The following UBE2E2 variants were observed in gnomAD, a reference collection of about 807,000 sequenced individuals.
UBE2E2 encodes ubiquitin conjugating enzyme E2 E2, also known as ubiquitin-conjugating enzyme E2 E2.
In UBE2E2, 6 loss-of-function variants were observed where a neutral mutation model predicts 24.7. That is an observed-to-expected ratio of 0.24 (90% CI 0.13 to 0.48). The LOEUF (loss-of-function observed/expected upper bound fraction) is 0.48. Ranked by LOEUF, UBE2E2 falls within the 20% of genes least tolerant of loss-of-function variation. The pLI, the probability that UBE2E2 is intolerant of heterozygous loss-of-function variation, is 0.99. For synonymous variants in UBE2E2, 104 were observed against 83.6 expected (o/e 1.24, Z -1.33); for missense variants, 169 against 245.0 (o/e 0.69, Z 2.07).
At chr3:23,366,866 A>G (rs936584294) in intron 3 of UBE2E2, among the ~76,000 whole-genome samples, 1 of 152,234 alleles carries the variant, frequency 6.6e-6, no homozygotes, top group African/African-American at 2.4e-5. Context: ...TTTTAGTTCA[A>G]TTAAGAAAAT....
At chr3:23,553,692 A>G (rs927800548) in intron 5 of UBE2E2, among the ~76,000 whole-genome samples, 5 of 152,190 alleles carry the variant, frequency 3.3e-5, no homozygotes, top group Non-Finnish European at 7.4e-5. Context: ...TAAATTCAGT[A>G]AAGTTACAGG....
At chr3:23,209,278 T>C (rs1207162723) in intron 2 of UBE2E2, among the ~76,000 whole-genome samples, 7 of 152,216 alleles carry the variant, frequency 4.6e-5, no homozygotes, top group Admixed American at 2.0e-4. Flanking sequence ...TTTCCACTAC[T>C]CCCAGTTGGT....
chr3:23,267,316 A>T (rs958957820), intron 3 of UBE2E2, among the ~76,000 whole-genome samples: 2 of 152,148 alleles, frequency 1.3e-5, no homozygotes, highest in African/African-American at 4.8e-5. Flanking sequence ...AGCAAGACTA[A>T]TAAAGAAGAA....
intron 3 of UBE2E2, among the ~76,000 whole-genome samples, chr3:23,386,027 C>G (rs1696797299): frequency 6.6e-6 from 1 of 152,176 alleles, no homozygotes; most frequent in Non-Finnish European, 1.5e-5. Flanking sequence ...AATAGAATTA[C>G]AAACATTTAT....
intron 3 of UBE2E2, among the ~76,000 whole-genome samples, chr3:23,378,060 A>G (rs1158660342): frequency 2.0e-5 from 3 of 152,082 alleles, no homozygotes. Flanking sequence ...TTAATCTGCT[A>G]TAATGTGAGA....
chr3:23,552,053 C>T (rs1211301320), intron 5 of UBE2E2, among the ~76,000 whole-genome samples: 1 of 152,186 alleles, frequency 6.6e-6, no homozygotes, highest in Admixed American at 6.5e-5. Context: ...CAAGAGTCCT[C>T]GTCAGAAACC....
At chr3:23,320,624 C>T (rs1330753515) in intron 3 of UBE2E2, among the ~76,000 whole-genome samples, 1 of 152,148 alleles carries the variant, frequency 6.6e-6, no homozygotes, top group African/African-American at 2.4e-5. Flanking sequence ...GTTCACTGTA[C>T]AGAAAGGTTA....
At chr3:23,223,868 A>G (rs901387998) in intron 3 of UBE2E2, among the ~76,000 whole-genome samples, 1 of 152,014 alleles carries the variant, frequency 6.6e-6, no homozygotes, top group African/African-American at 2.4e-5. Context: ...ATATATAGTT[A>G]TCCAGTTTTC....
At chr3:23,440,088 A>G (rs1243407782) in intron 3 of UBE2E2, among the ~76,000 whole-genome samples, 3 of 152,102 alleles carry the variant, frequency 2.0e-5, no homozygotes, top group African/African-American at 7.2e-5. Context: ...AGCCTGGCCA[A>G]GATGGTGAAA....
At chr3:23,568,364 G>A (rs988066556) in intron 5 of UBE2E2, among the ~76,000 whole-genome samples, 6 of 151,952 alleles carry the variant, frequency 3.9e-5, no homozygotes, top group African/African-American at 1.5e-4. Context: ...CTACATGTGA[G>A]GATTATGGAA....
chr3:23,345,389 T>C (rs35190363), intron 3 of UBE2E2, among the ~76,000 whole-genome samples: 11,126 of 152,290 alleles, frequency 0.073, 523 homozygotes, highest in Non-Finnish European at 0.088. Flanking sequence ...TTCAATATAA[T>C]AGATTCAATA....
At chr3:23,399,494 G>A (rs533844833) in intron 3 of UBE2E2, among the ~76,000 whole-genome samples, 1 of 152,256 alleles carries the variant, frequency 6.6e-6, no homozygotes, top group South Asian at 2.1e-4. Context: ...TCAAAATGGT[G>A]TGCAGTTAGG....
chr3:23,474,940 A>G lies in UBE2E2; in HGVS notation c.228-24668A>G, dbSNP rs1297282022. ...TTTTTTATTTCTTAACCCACAACCG[A>G]TGACAAGCATTTCACTCAAATTGCT... is the stretch of plus-strand genomic sequence containing the variant. On this transcript the variant is annotated intron_variant, in intron 3 of 5. Coordinates refer to ENST00000396703, the MANE Select transcript of UBE2E2 (RefSeq NM_152653.4). The surrounding 1 kb of genome is among the most constrained non-coding windows in gnomAD (Gnocchi z 4.0). 6.6e-6 allele frequency among the ~76,000 whole-genome samples: 1 copy of G among 152,054 alleles called. No homozygotes were observed. Among genetic ancestry groups the G allele is most frequent in the Non-Finnish European group, 1.5e-5 (1 of 68,036 alleles).
At chr3:23,287,797 G>A (rs1339426808) in intron 3 of UBE2E2, among the ~76,000 whole-genome samples, 2 of 143,438 alleles carry the variant, frequency 1.4e-5, no homozygotes, top group African/African-American at 2.5e-5. Flanking sequence ...TTACATCTCT[G>A]ATTTTATTCA....
chr3:23,244,085 CAATT>C (rs1697324239), intron 3 of UBE2E2, among the ~76,000 whole-genome samples: 1 of 146,062 alleles, frequency 6.8e-6, no homozygotes, highest in African/African-American at 2.5e-5. Context: ...GGAAGAATAT[CAATT>C]AAGGGTGATT....
intron 3 of UBE2E2, among the ~76,000 whole-genome samples, chr3:23,316,821 G>A (rs1285831392): frequency 1.3e-5 from 2 of 152,004 alleles, no homozygotes; most frequent in East Asian, 3.9e-4. Flanking sequence ...AGCAGGTGAT[G>A]AATCCTGACA....
At chr3:23,446,245 A>G (rs1388971874) in intron 3 of UBE2E2, among the ~76,000 whole-genome samples, 4 of 152,216 alleles carry the variant, frequency 2.6e-5, no homozygotes, top group African/African-American at 9.7e-5. Flanking sequence ...GATTTGAGAG[A>G]TGCAAAAACT....
chr3:23,231,320 G>C (rs1696968450), intron 3 of UBE2E2, among the ~76,000 whole-genome samples: 1 of 152,150 alleles, frequency 6.6e-6, no homozygotes, highest in Non-Finnish European at 1.5e-5. Context: ...TAGTTGGTTA[G>C]TGAGGCTTTT....
intron 3 of UBE2E2, among the ~76,000 whole-genome samples, chr3:23,247,612 C>T (rs1365658796): frequency 6.6e-6 from 1 of 152,096 alleles, no homozygotes; most frequent in African/African-American, 2.4e-5. Flanking sequence ...CCTTGGCCTC[C>T]CAAAGTGCTG....
Sources: gnomAD v4.1 joint callset for allele counts (sites outside exome capture counted in the v4.1 genomes callset) on GRCh38, gnomAD v4.1.1 for gene constraint, Gnocchi (gnomAD v3.1) non-coding constraint, MANE v1.5 for transcripts, NCBI Gene and HGNC (gene_info 2026-07-23, HGNC 2026-07-21) for gene names.